Variants in PANX2 observed in about 807,000 individuals in gnomAD.
PANX2 encodes the protein pannexin 2, also known as pannexin-2.
In PANX2, 30 loss-of-function variants were observed where a neutral mutation model predicts 38.7. That is an observed-to-expected ratio of 0.78 (90% CI 0.58 to 1.05). The LOEUF is 1.05. PANX2 is among the 50% of genes least tolerant of loss of function. The pLI, the probability that PANX2 is intolerant of heterozygous loss-of-function variation, is 0.00. For missense variants in PANX2, 880 were observed against 979.3 expected, an observed-to-expected ratio of 0.90 and a Z score of 1.35; for synonymous variants, 539 against 472.1, an observed-to-expected ratio of 1.14 and a Z score of -1.84.
intron 1 of PANX2, among the ~76,000 whole-genome samples, chr22:50,173,642 C>T (rs1259961262): frequency 2.0e-5 from 3 of 152,252 alleles, no homozygotes; most frequent in Admixed American, 2.0e-4. Flanking sequence ...GATTAGCTTC[C>T]TGTGGCTGCT....
chr22:50,178,196 C>A lies in PANX2; in HGVS notation c.1484C>A (p.Pro495His). Reference sequence around the variant, plus strand: ...GGAGGGGGCGACCCGGGCCCCGGCCCCGCCCCTGCCCCCGCCCCGCCGCCC... The same window carrying A: ...GGAGGGGGCGACCCGGGCCCCGGCCACGCCCCTGCCCCCGCCCCGCCGCCC... ...KGGGGDPGPG[P>H]APAPAPPPAP... The change falls in exon 2 of 3, where the codon CCC becomes CAC. Residue 495 changes from proline (P) to histidine (H), a missense_variant. Physicochemically the swap from Pro to His is moderately conservative, Grantham distance 77. Coordinates refer to ENST00000395842, the MANE Select transcript of PANX2 (RefSeq NM_052839.4). The A allele has an allele frequency of 6.9e-7, 1 of 1,457,442 alleles. No individual in the cohort carries two copies. The highest frequency in any genetic ancestry group is 9.0e-7 in the Non-Finnish European group (1 of 1,115,724). 90.3% of individuals were successfully genotyped at this position (1,457,442 alleles called of 1,614,324 possible).
Position 50,170,843 on chromosome 22 carries a change from C to G in PANX2, c.113C>G (p.Ala38Gly). Residue 38 changes from alanine (A) to glycine (G), a missense_variant, in exon 1 of 3, where the codon GCC becomes GGC. Transcript: ENST00000395842. The stretch of plus-strand genomic sequence containing the variant: ...CAGGACGACAAGGCGGGCGCGCTGG[C>G]CGCGCTGCTTCTGCAGCTGAAGCTG... Reference protein sequence around the residue: ...GAQDDKAGALAALLLQLKLEL... With the variant: ...GAQDDKAGALGALLLQLKLEL... 1.3e-6 allele frequency: 2 copies of G among 1,496,208 alleles called. No homozygotes were observed. The highest frequency in any genetic ancestry group is 1.8e-6 in the Non-Finnish European group (2 of 1,120,164). 92.7% of individuals were successfully genotyped at this position (1,496,208 alleles called of 1,614,324 possible). A position where few individuals can be genotyped will look rare whatever the true frequency, so the allele number is the denominator to read the frequency against.
chr22:50,178,438 G>C, intron 2 of PANX2, 36 bp downstream of exon 2: 1 of 1,326,920 alleles, frequency 7.5e-7, no homozygotes, highest in Non-Finnish European at 9.8e-7. Context: ...ACGGGGGACT[G>C]GGGGTGGGAG....
rs765884570 is a variant in PANX2 at position 50,177,032 on chromosome 22, TG to T, written c.321del (p.Gly109AlafsTer125). On this transcript the variant is annotated frameshift_variant, in exon 2 of 3. Transcript: ENST00000395842. LOFTEE classifies it high-confidence loss of function. ...TGCTGGACGGAGCTGCGGGACGCGC[TG>T]CCCGGCGTGGACGCCAGCCTGTGGC... Reference protein sequence around the residue: ...GYCWTELRDALPGVDASLWPS... With the variant: ...GYCWTELRDAXPGVDASLWPS... 6.2e-7 allele frequency: 1 copy of T among 1,606,612 alleles called. No individual in the cohort carries two copies. Among genetic ancestry groups the T allele is most frequent in the South Asian group, 1.1e-5 (1 of 90,398 alleles).
chr22:50,177,709 C>T lies in PANX2; in HGVS notation c.997C>T (p.Arg333Cys), dbSNP rs755719465. 1 of 1,610,886 alleles carries T rather than the reference C, an allele frequency of 6.2e-7. No individual in the cohort carries two copies. The highest frequency in any genetic ancestry group is 8.5e-7 in the Non-Finnish European group (1 of 1,179,610). The change falls in exon 2 of 3, where the codon CGC becomes TGC. Residue 333 changes from arginine (R) to cysteine (C), a missense_variant. Around this residue, in one of 4 missense-constraint regions of PANX2, gnomAD observed 78 missense variants for 133.1 expected, o/e 0.59. Transcript: ENST00000395842. Reference protein sequence around the residue: ...DKLHKVGIKTRRQWRRSQFCD... With the variant: ...DKLHKVGIKTCRQWRRSQFCD... ...GCTGCACAAGGTGGGCATCAAGACG[C>T]GCCGGCAGTGGCGCCGCTCGCAGTT...
chr22:50,178,454 C>CCCACAG (rs2063678496), intron 2 of PANX2, 52 bp downstream of exon 2: 3 of 1,239,974 alleles, frequency 2.4e-6, no homozygotes, highest in Non-Finnish European at 3.2e-6. Context: ...GGGAGAGGCG[C>CCCACAG]CCACAGCCAC....
rs1172414124 is a variant in PANX2, at chr22:50,177,598, G to T, written c.886G>T (p.Val296Leu). ...LQRIIAGVDI[V>L]LLCVMNLIIL... ...GCGCATCATCGCGGGCGTGGACATC[G>T]TGCTGCTGTGCGTCATGAACCTCAT... The change falls in exon 2 of 3, where the codon GTG (valine) becomes TTG (leucine). Residue 296 changes from valine (V) to leucine (L), a missense_variant. This residue lies in a region of PANX2 where 114 missense variants were observed against 108.8 expected (regional missense o/e 1.05). Transcript: ENST00000395842. 5.0e-6 allele frequency: 8 copies of T among 1,612,832 alleles called. No individual in the cohort carries two copies. In the South Asian group the frequency reaches 8.8e-5, roughly 18 times the overall value.
At chr22:50,171,038 G>C (rs1362923985) in intron 1 of PANX2, 82 bp downstream of exon 1, 7 of 690,620 alleles carry the variant, frequency 1.0e-5, no homozygotes, top group Middle Eastern at 9.8e-4. Context: ...CCGCGTCCCC[G>C]GCGGCTCCGT....
intron 1 of PANX2, among the ~76,000 whole-genome samples, chr22:50,176,720 C>T (rs921930209): frequency 2.0e-5 from 3 of 152,194 alleles, no homozygotes; most frequent in Admixed American, 6.5e-5. Context: ...GCAGGTGCCC[C>T]GCAGCTGACC....
At chr22:50,173,313 A>C (rs529670894) in intron 1 of PANX2, among the ~76,000 whole-genome samples, 13 of 152,326 alleles carry the variant, frequency 8.5e-5, no homozygotes, top group South Asian at 2.1e-4. Flanking sequence ...GATTACAGGC[A>C]TGAGCCACCG....
At position 50,177,833 on chromosome 22, in the gene PANX2, T is replaced by G. The variant is rs2063671322; in HGVS notation, c.1121T>G (p.Met374Arg). Residue 374 changes from methionine to arginine, a missense_variant, in exon 2 of 3, where the codon ATG becomes AGG. Around this residue, in one of 4 missense-constraint regions of PANX2, gnomAD observed 78 missense variants for 133.1 expected, o/e 0.59. Transcript: ENST00000395842. ...TTCATCACCAACGAGAGCGACCTCA[T>G]GTACGACAACGTGGTCCGGCAGCTG... ...LDFITNESDLMYDNVVRQLLA... is the reference protein window; with the variant it reads ...LDFITNESDLRYDNVVRQLLA... The G allele has an allele frequency of 6.3e-7, 1 of 1,597,568 alleles. No homozygotes were observed. The highest frequency in any genetic ancestry group is 2.2e-5 in the East Asian group (1 of 44,774).
In PANX2 at chr22:50,173,965, C is replaced by T. The variant is rs903912421; in HGVS notation, c.227-2974C>T. Among the ~76,000 whole-genome samples the T allele has an allele frequency of 1.4e-4, 21 of 152,220 alleles. 1 individual carries two copies. Among genetic ancestry groups the T allele is most frequent in the Admixed American group, 7.2e-4 (11 of 15,294 alleles). On this transcript the variant is annotated intron_variant, in intron 1 of 2. Coordinates refer to ENST00000395842, the MANE Select transcript of PANX2 (RefSeq NM_052839.4). ...CCTCGTGAACCGGGAAACGTGACACCGCCACAGGCTCCGGGGTTGGGATGT... is the reference window on the plus strand; with the variant it reads ...CCTCGTGAACCGGGAAACGTGACACTGCCACAGGCTCCGGGGTTGGGATGT...
rs781220429 is a variant in PANX2 at position 50,178,131 on chromosome 22, C to T, written c.1419C>T (p.Ile473=). Reference sequence around the variant, plus strand: ...GGAAGACGGCCACGGACACGCTGATCGCGCCGCTGCTGGACCGCTCCGCCC... The same window carrying T: ...GGAAGACGGCCACGGACACGCTGATTGCGCCGCTGCTGGACCGCTCCGCCC... ...ARRKTATDTL[I]APLLDRSAHH... Residue 473 remains isoleucine (I), a synonymous_variant, in exon 2 of 3, where the codon ATC becomes ATT. Transcript: ENST00000395842. 1.8e-5 allele frequency: 28 copies of T among 1,532,824 alleles called. No homozygotes were observed. The highest frequency in any genetic ancestry group is 2.4e-5 in the Non-Finnish European group (28 of 1,148,056). 95.0% of individuals were successfully genotyped at this position (1,532,824 alleles called of 1,614,324 possible). A position where few individuals can be genotyped will look rare whatever the true frequency, so the allele number is the denominator to read the frequency against.
At position 50,177,654 on chromosome 22, in the gene PANX2, C is replaced by T. The variant is rs2063670416; in HGVS notation, c.942C>T (p.Ile314=). 6.2e-7 allele frequency: 1 copy of T among 1,612,748 alleles called. No individual in the cohort carries two copies. Among genetic ancestry groups the T allele is most frequent in the Non-Finnish European group, 8.5e-7 (1 of 1,180,010 alleles). ...TCGTCAACCTCATCCACCTCTTCAT[C>T]TTCCGCAAGAGCAACTTCATCTTCG... ...IILVNLIHLF[I]FRKSNFIFDK... Residue 314 remains isoleucine (I), a synonymous_variant, in exon 2 of 3, where the codon ATC becomes ATT. Transcript: ENST00000395842.
At chr22:50,175,429 C>A in intron 1 of PANX2, 1 of 1,297,790 alleles carries the variant, frequency 7.7e-7, no homozygotes, top group South Asian at 1.2e-5. Flanking sequence ...TTCTCTTCCC[C>A]AGGGTGGACG....
At position 50,179,356 on chromosome 22, in the gene PANX2, C is replaced by A; in HGVS notation, c.*79C>A. 9.3e-6 allele frequency: 12 copies of A among 1,295,068 alleles called. No homozygotes were observed. The South Asian group carries it at 1.6e-4, about 17-fold the overall frequency. The allele number at this position is 1,295,068 out of a possible 1,614,324, so 80.2% of individuals were successfully genotyped here. A position where few individuals can be genotyped will look rare whatever the true frequency, so the allele number is the denominator to read the frequency against. ...GGCCAGCCTCCCGGTGGACACCAGC[C>A]CTGCGTGGACGTGGCCTGTGCTTCG... On this transcript the variant is annotated 3_prime_UTR_variant, in exon 3 of 3. Transcript: ENST00000395842.
Position 50,177,528 on chromosome 22 carries a change from G to A in PANX2, c.816G>A (p.Gly272=), listed in dbSNP as rs766596055. Residue 272 remains glycine, a synonymous_variant, in exon 2 of 3, where the codon GGG becomes GGA. Transcript: ENST00000395842. ...GASPDGAAGA[G]PAVRVSCKLP... The stretch of plus-strand genomic sequence containing the variant: ...CCCCGGACGGGGCGGCAGGTGCGGG[G>A]CCCGCGGTGCGCGTGAGCTGCAAGC... 8 of 1,609,948 alleles carry A rather than the reference G, an allele frequency of 5.0e-6. No individual in the cohort carries two copies. The highest frequency in any genetic ancestry group is 3.3e-5 in the South Asian group (3 of 90,912).
At chr22:50,176,448 C>T (rs1050311074) in intron 1 of PANX2, among the ~76,000 whole-genome samples, 2 of 152,210 alleles carry the variant, frequency 1.3e-5, no homozygotes, top group Non-Finnish European at 2.9e-5. Context: ...CCTGCCTTCC[C>T]GGTGCTGTGG....
At chr22:50,172,808 G>A (rs888096193) in intron 1 of PANX2, among the ~76,000 whole-genome samples, 7 of 150,512 alleles carry the variant, frequency 4.7e-5, no homozygotes, top group South Asian at 2.1e-4. Flanking sequence ...GGCTCACTGC[G>A]ACCTTTGCCT....
Sources: gnomAD v4.1 joint callset for allele counts (sites outside exome capture counted in the v4.1 genomes callset) on GRCh38, gnomAD v4.1.1 for gene constraint, gnomAD v4.1.1 regional missense constraint, MANE v1.5 for transcripts, NCBI Gene and HGNC (gene_info 2026-07-23, HGNC 2026-07-21) for gene names.